HPSE2: variants seen among roughly 807,000 people sequenced by gnomAD.
The protein encoded by HPSE2 is inactive heparanase-2.
Under a neutral mutation model 60.5 loss-of-function variants are expected in HPSE2, and 38 were observed. The ratio of observed to expected loss-of-function variants is 0.63; its 90% confidence interval spans 0.48 to 0.82. The LOEUF (loss-of-function observed/expected upper bound fraction) is 0.82, where lower values mean the gene tolerates loss of function less well. Ranked by LOEUF, HPSE2 falls within the 40% of genes least tolerant of loss-of-function variation. HPSE2 has a pLI of 0.00. For synonymous variants in HPSE2, 295 were observed against 293.2 expected, an observed-to-expected ratio of 1.01 and a Z score of -0.06; for missense variants, 713 against 740.4, an observed-to-expected ratio of 0.96 and a Z score of 0.43.
At chr10:99,296,643 C>CT in the HPSE2 span, among the ~76,000 whole-genome samples, 1 of 152,218 alleles carries the variant, frequency 6.6e-6, no homozygotes, top group South Asian at 2.1e-4. Context: ...TTGGGCAAAG[C>CT]CAAGAACCCT....
At chr10:99,115,154 T>TG (rs1196892869) in intron 3 of HPSE2, among the ~76,000 whole-genome samples, 7 of 101,312 alleles carry the variant, frequency 6.9e-5, no homozygotes, top group Non-Finnish European at 1.4e-4. Flanking sequence ...CAGCTAAATG[T>TG]GTTTTTTTTT....
chr10:98,520,623 T>C (rs948438977), intron 9 of HPSE2, among the ~76,000 whole-genome samples: 21 of 152,218 alleles, frequency 1.4e-4, no homozygotes, highest in Admixed American at 9.8e-4. Context: ...ACTGTATATC[T>C]AATGGCTTTT....
At chr10:99,288,968 T>C in the HPSE2 span, among the ~76,000 whole-genome samples, 3 of 152,140 alleles carry the variant, frequency 2.0e-5, no homozygotes, top group Non-Finnish European at 4.4e-5. Context: ...GTATTAGTAA[T>C]CATTAAAATA....
chr10:99,068,082 C>A (rs745500509), intron 3 of HPSE2, among the ~76,000 whole-genome samples: 4 of 152,162 alleles, frequency 2.6e-5, no homozygotes, highest in Non-Finnish European at 4.4e-5. Flanking sequence ...CCATCTGAGA[C>A]CACCTCAGCC....
At chr10:98,799,314 G>C (rs1950852175) in intron 3 of HPSE2, among the ~76,000 whole-genome samples, 1 of 152,164 alleles carries the variant, frequency 6.6e-6, no homozygotes, top group South Asian at 2.1e-4. Context: ...GCTAAAGAGA[G>C]AGATAGGGCC....
rs535573877 is a variant in HPSE2, at chr10:99,145,455, T to TAA, written c.449-1058_449-1057dup. Among the ~76,000 whole-genome samples the TAA allele has an allele frequency of 3.0e-3, 429 of 143,244 alleles. 2 individuals are homozygous for TAA. Among genetic ancestry groups the TAA allele is most frequent in the Middle Eastern group, 0.011 (3 of 268 alleles). 94.0% of individuals were successfully genotyped at this position (143,244 alleles called of 152,430 possible). A position where few individuals can be genotyped will look rare whatever the true frequency, so the allele number is the denominator to read the frequency against. On this transcript the variant is annotated intron_variant, in intron 2 of 11. Coordinates refer to ENST00000370552, the MANE Select transcript of HPSE2 (RefSeq NM_021828.5). Reference sequence around the variant, plus strand: ...TGGGCAATAGAGGGAGACTCTGTCTTAAAAAAAAAAAAAAAGAAGAAGAAG... The same window carrying TAA: ...TGGGCAATAGAGGGAGACTCTGTCTTAAAAAAAAAAAAAAAAAGAAGAAGAAG...
At position 98,500,384 on chromosome 10, in the gene HPSE2, T is replaced by G. The variant is rs997123927; in HGVS notation, c.1321-10188A>C. Reference sequence around the variant, plus strand: ...ACTCCAAAAGGAATCTTCAAAACCATGCAAATACATGAAAATTAAATAACC... The same window carrying G: ...ACTCCAAAAGGAATCTTCAAAACCAGGCAAATACATGAAAATTAAATAACC... On this transcript the variant is annotated intron_variant, in intron 9 of 11. Coordinates refer to ENST00000370552, the MANE Select transcript of HPSE2 (RefSeq NM_021828.5). 2.0e-5 allele frequency among the ~76,000 whole-genome samples: 3 copies of G among 152,248 alleles called. No homozygotes were observed. The East Asian group carries it at 5.8e-4, about 29-fold the overall frequency.
intron 9 of HPSE2, among the ~76,000 whole-genome samples, chr10:98,610,327 C>G (rs772162826): frequency 2.0e-5 from 3 of 152,182 alleles, no homozygotes; most frequent in Non-Finnish European, 4.4e-5. Flanking sequence ...GTCCTAGGAT[C>G]TTGTGATAGG....
At chr10:98,623,259 T>G (rs1241911541) in intron 7 of HPSE2, among the ~76,000 whole-genome samples, 1 of 152,182 alleles carries the variant, frequency 6.6e-6, no homozygotes, top group Non-Finnish European at 1.5e-5. Flanking sequence ...TATGAAATGT[T>G]CGGAATAGGC....
At chr10:98,991,566 G>GA in intron 3 of HPSE2, among the ~76,000 whole-genome samples, 1 of 152,300 alleles carries the variant, frequency 6.6e-6, no homozygotes, top group South Asian at 2.1e-4. Context: ...GTCACTGCAA[G>GA]ATGGTAGCTT....
intron 3 of HPSE2, among the ~76,000 whole-genome samples, chr10:99,080,713 C>G (rs1843104247): frequency 6.6e-6 from 1 of 152,158 alleles, no homozygotes; most frequent in Admixed American, 6.5e-5. Context: ...GAGTCAGAAG[C>G]CATCATTCAA....
At chr10:99,292,945 C>T in the HPSE2 span, among the ~76,000 whole-genome samples, 11 of 152,048 alleles carry the variant, frequency 7.2e-5, no homozygotes, top group Admixed American at 5.2e-4. Flanking sequence ...CTTCTCTGCT[C>T]CCGCCTCCCC....
At chr10:98,778,038 G>A (rs1472478672) in intron 3 of HPSE2, among the ~76,000 whole-genome samples, 1 of 151,978 alleles carries the variant, frequency 6.6e-6, no homozygotes, top group East Asian at 1.9e-4. Context: ...TGGCCTTGAG[G>A]TTTCTCTCCA....
chr10:98,745,016 C>T (rs943772836), intron 3 of HPSE2, among the ~76,000 whole-genome samples: 6 of 152,124 alleles, frequency 3.9e-5, no homozygotes, highest in African/African-American at 1.4e-4. Flanking sequence ...TCCTGGCTAA[C>T]ACGGTGAAAC....
chr10:99,086,718 T>C (rs191436578), intron 3 of HPSE2, among the ~76,000 whole-genome samples: 289 of 152,364 alleles, frequency 1.9e-3, no homozygotes, highest in African/African-American at 6.7e-3. Flanking sequence ...GGATCTGTTA[T>C]AGAAAACAAA....
chr10:99,042,933 C>A (rs552255870), intron 3 of HPSE2, among the ~76,000 whole-genome samples: 2 of 152,124 alleles, frequency 1.3e-5, no homozygotes, highest in South Asian at 2.1e-4. Flanking sequence ...CCAAACAACA[C>A]CACCAAAAAT....
the HPSE2 span, among the ~76,000 whole-genome samples, chr10:99,290,192 T>A: frequency 2.6e-5 from 4 of 152,042 alleles, no homozygotes; most frequent in East Asian, 5.8e-4. Context: ...GGGAAGAGAG[T>A]CGTCTTAAAG....
chr10:98,762,866 C>T (rs1950037276), intron 3 of HPSE2, among the ~76,000 whole-genome samples: 1 of 151,950 alleles, frequency 6.6e-6, no homozygotes, highest in Admixed American at 6.6e-5. Context: ...GAGGACAATC[C>T]TGAGATGATC....
At chr10:98,685,233 T>C (rs1947883142) in intron 6 of HPSE2, among the ~76,000 whole-genome samples, 4 of 152,222 alleles carry the variant, frequency 2.6e-5, no homozygotes, top group Admixed American at 2.0e-4. Context: ...GGCAAACCAC[T>C]AATCAGAGTT....
Sources: gnomAD v4.1 joint callset for allele counts (sites outside exome capture counted in the v4.1 genomes callset) on GRCh38, gnomAD v4.1.1 for gene constraint, MANE v1.5 for transcripts, NCBI Gene and HGNC (gene_info 2026-07-23, HGNC 2026-07-21) for gene names.